Variants in SEC62 observed in about 807,000 individuals in gnomAD.
SEC62 encodes the protein SEC62 preprotein translocation factor.
Under a neutral mutation model 47.5 loss-of-function variants are expected in SEC62, and 10 were observed. The ratio of observed to expected loss-of-function variants is 0.21; its 90% CI spans 0.13 to 0.36. The LOEUF is 0.36. SEC62 is among the 10% of genes least tolerant of loss of function. The pLI is 1.00. For synonymous variants in SEC62, 136 were observed against 150.5 expected, an observed-to-expected ratio of 0.90 and a Z score of 0.71; for missense variants, 327 against 464.1, an observed-to-expected ratio of 0.70 and a Z score of 2.71.
chr3:169,982,604 T>G (rs1158179488), intron 3 of SEC62, 103 bp from the exon 4 acceptor site: 2 of 1,383,842 alleles, frequency 1.4e-6, no homozygotes, highest in Non-Finnish European at 1.0e-6. Context: ...CTTGTGTTGC[T>G]AATTTATGCC....
chr3:169,971,068 C>CTTT (rs747459014), intron 1 of SEC62, among the ~76,000 whole-genome samples: 22 of 136,980 alleles, frequency 1.6e-4, no homozygotes, highest in African/African-American at 5.6e-4. Flanking sequence ...TCTCATGGTA[C>CTTT]TTTTTTTTTT....
At position 169,979,296 on chromosome 3, in the gene SEC62, C is replaced by T. The variant is rs571474966; in HGVS notation, c.251+2245C>T. On this transcript the variant is annotated intron_variant, in intron 3 of 7. Transcript: ENST00000337002. ...AATAGCAGACAAAATCACAAAGGGT[C>T]TCTTGACCAGTTTCTTTTTTTCTTT... is the stretch of plus-strand genomic sequence containing the variant. Among the ~76,000 whole-genome samples the T allele has an allele frequency of 1.3e-3, 197 of 152,292 alleles. 1 individual carries two copies. The highest frequency in any genetic ancestry group is 4.6e-3 in the African/African-American group (190 of 41,566).
At chr3:169,985,644 C>T in intron 5 of SEC62, 161 bp from the exon 6 acceptor site, 2 of 501,230 alleles carry the variant, frequency 4.0e-6, no homozygotes. Flanking sequence ...AGAACCACTA[C>T]TACTGAAGGA....
chr3:169,989,234 C>G (rs1283008899), intron 7 of SEC62, among the ~76,000 whole-genome samples: 1 of 135,304 alleles, frequency 7.4e-6, no homozygotes, highest in Non-Finnish European at 1.6e-5. Flanking sequence ...GCTAGGAGTA[C>G]TGGTGCATTT....
chr3:169,984,105 T>C (rs1053721478), intron 5 of SEC62, among the ~76,000 whole-genome samples: 1 of 152,226 alleles, frequency 6.6e-6, no homozygotes, highest in Non-Finnish European at 1.5e-5. Context: ...TATCCTTTCC[T>C]GTTATACCTA....
At chr3:169,977,467 T>G (rs1714864778) in intron 3 of SEC62, among the ~76,000 whole-genome samples, 1 of 152,198 alleles carries the variant, frequency 6.6e-6, no homozygotes, top group Non-Finnish European at 1.5e-5. Flanking sequence ...CCCTTTCCTA[T>G]TTGGTTCAGT....
intron 1 of SEC62, 79 bp downstream of exon 1, chr3:169,966,937 G>T: frequency 9.7e-7 from 1 of 1,029,200 alleles, no homozygotes; most frequent in Non-Finnish European, 1.4e-6. Flanking sequence ...CTAAAAGGGC[G>T]AGCGAAAGCA....
At chr3:169,975,853 G>C (rs1440413366) in intron 2 of SEC62, 137 bp downstream of exon 2, 2 of 505,566 alleles carry the variant, frequency 4.0e-6, no homozygotes, top group Admixed American at 3.3e-5. Context: ...TGATTATTCT[G>C]TTCTTTTCTT....
intron 3 of SEC62, among the ~76,000 whole-genome samples, chr3:169,977,972 C>G (rs1379687815): frequency 6.6e-6 from 1 of 152,192 alleles, no homozygotes; most frequent in African/African-American, 2.4e-5. Flanking sequence ...AGGTTACTAA[C>G]AGACCTTTTA....
chr3:169,990,418 A>G (rs889233953), intron 7 of SEC62, among the ~76,000 whole-genome samples: 3 of 152,106 alleles, frequency 2.0e-5, no homozygotes, highest in Non-Finnish European at 2.9e-5. Flanking sequence ...TAGGAATGTT[A>G]TTATAGTACA....
chr3:169,989,507 A>G (rs1715188985), intron 7 of SEC62, among the ~76,000 whole-genome samples: 1 of 151,410 alleles, frequency 6.6e-6, no homozygotes, highest in African/African-American at 2.4e-5. Context: ...TCAGTGTAAT[A>G]CCTGCATCAA....
chr3:169,977,227 C>T (rs961546111), intron 3 of SEC62, among the ~76,000 whole-genome samples, 176 bp downstream of exon 3: 3 of 152,088 alleles, frequency 2.0e-5, no homozygotes, highest in Admixed American at 1.3e-4. Flanking sequence ...GACTATTATA[C>T]TTTTAACTGT....
At chr3:169,977,837 G>A (rs1011340370) in intron 3 of SEC62, among the ~76,000 whole-genome samples, 3 of 151,906 alleles carry the variant, frequency 2.0e-5, no homozygotes, top group Non-Finnish European at 4.4e-5. Context: ...TTTATTTAAT[G>A]GCACCTAAAG....
chr3:169,969,998 A>G (rs1248705675), intron 1 of SEC62, among the ~76,000 whole-genome samples: 2 of 152,232 alleles, frequency 1.3e-5, no homozygotes, highest in African/African-American at 4.8e-5. Flanking sequence ...GACAGGGAAG[A>G]AAAGAGAAAA....
intron 1 of SEC62, among the ~76,000 whole-genome samples, chr3:169,969,615 A>G (rs989915095): frequency 1.3e-5 from 2 of 152,186 alleles, no homozygotes; most frequent in Non-Finnish European, 2.9e-5. Flanking sequence ...ACTGAGGTCC[A>G]GTGAGGTTTT....
chr3:169,993,180 G>T lies in SEC62; in HGVS notation c.*117G>T. ...ATTCTTTAAATCTATCTACTGAAAT[G>T]TATTTGACATTCAAGCAGTTATATT... On this transcript the variant is annotated 3_prime_UTR_variant, in exon 8 of 8. Transcript: ENST00000337002. 2 of 754,996 alleles carry T rather than the reference G, an allele frequency of 2.6e-6. No individual in the cohort carries two copies. Among genetic ancestry groups the T allele is most frequent in the Non-Finnish European group, 4.3e-6 (2 of 469,894 alleles). 46.8% of individuals were successfully genotyped at this position (754,996 alleles called of 1,614,324 possible).
chr3:169,967,755 C>T (rs1714577547), intron 1 of SEC62, among the ~76,000 whole-genome samples: 1 of 152,142 alleles, frequency 6.6e-6, no homozygotes, highest in Non-Finnish European at 1.5e-5. Context: ...CCTTCATAAG[C>T]CCTCAAATTG....
At position 169,976,928 on chromosome 3, in the gene SEC62, A is replaced by C. The variant is rs1468968916; in HGVS notation, c.146-18A>C. On this transcript the variant is annotated intron_variant, in intron 2 of 7. Transcript: ENST00000337002. Reference sequence around the variant, plus strand: ...TCCCCATGTATGCTAAATTTAAAATAATGAATTTCTTCTTTAGCTTCAAAA... The same window carrying C: ...TCCCCATGTATGCTAAATTTAAAATCATGAATTTCTTCTTTAGCTTCAAAA... 1 of 1,551,600 alleles carries C rather than the reference A, an allele frequency of 6.4e-7. No homozygotes were observed. The highest frequency in any genetic ancestry group is 1.2e-5 in the South Asian group (1 of 85,868).
intron 3 of SEC62, chr3:169,978,420 T>A (rs1250565054): frequency 2.6e-5 from 4 of 152,056 alleles, no homozygotes; most frequent in Non-Finnish European, 5.9e-5. Context: ...GTGAATAGAA[T>A]TAGCTCCACG....
Sources: allele counts gnomAD v4.1 joint callset (sites outside exome capture counted in the v4.1 genomes callset), GRCh38; gene constraint gnomAD v4.1.1; transcripts MANE v1.5; gene names NCBI Gene and HGNC (gene_info 2026-07-23, HGNC 2026-07-21).